TRIM14: variants seen among roughly 807,000 people sequenced by gnomAD.
TRIM14 encodes tripartite motif containing 14, also known as tripartite motif-containing protein 14.
A neutral mutation model predicts 44.5 loss-of-function variants in TRIM14; 28 were observed. That is an observed-to-expected ratio of 0.63 (90% CI 0.47 to 0.86). The LOEUF is 0.86. Ranked by LOEUF, TRIM14 falls within the 40% of genes least tolerant of loss-of-function variation. The pLI is 0.00. For missense variants in TRIM14, 607 were observed against 611.1 expected (o/e 0.99, Z 0.07); for synonymous variants, 299 against 269.2 (o/e 1.11, Z -1.08).
At chr9:98,082,906 A>G, downstream of TRIM14, 2 of 1,614,216 alleles carry the variant, frequency 1.2e-6, no homozygotes, top group South Asian at 2.2e-5. Flanking sequence ...AACAATGGAC[A>G]TGCTCACCGT....
chr9:98,066,427 T>A (rs1396425475), downstream of TRIM14, among the ~76,000 whole-genome samples: 1 of 152,238 alleles, frequency 6.6e-6, no homozygotes, highest in Non-Finnish European at 1.5e-5. Context: ...GCTCACCTAA[T>A]GGAAGGTGTG....
At chr9:98,063,525 A>G in the TRIM14 span, among the ~76,000 whole-genome samples, 2 of 152,068 alleles carry the variant, frequency 1.3e-5, no homozygotes, top group African/African-American at 4.8e-5. Flanking sequence ...TACAGGTGTG[A>G]GCCACTGTGC....
downstream of TRIM14, among the ~76,000 whole-genome samples, chr9:98,068,684 G>T (rs952412903): frequency 6.6e-6 from 1 of 151,490 alleles, no homozygotes; most frequent in South Asian, 2.1e-4. Context: ...ATTGTGGTGT[G>T]TGCCTGTAGC....
chr9:98,036,288 G>A, the TRIM14 span, among the ~76,000 whole-genome samples: 1 of 151,106 alleles, frequency 6.6e-6, no homozygotes, highest in Non-Finnish European at 1.5e-5. Flanking sequence ...ATCACCTGAG[G>A]TCAAGATTTT....
intron 1 of TRIM14, among the ~76,000 whole-genome samples, chr9:98,112,671 C>T (rs1013479719): frequency 4.0e-5 from 6 of 151,004 alleles, no homozygotes; most frequent in South Asian, 2.1e-4. Context: ...TGGTGGTGCA[C>T]GCCTGTAATC....
chr9:98,109,825 G>T (rs1488755760), intron 2 of TRIM14, 64 bp downstream of exon 2: 4 of 1,331,834 alleles, frequency 3.0e-6, no homozygotes, highest in Admixed American at 1.9e-5. Flanking sequence ...CATATTGGGG[G>T]TCCCTTTTGT....
chr9:98,043,879 T>C, the TRIM14 span, among the ~76,000 whole-genome samples: 1 of 152,154 alleles, frequency 6.6e-6, no homozygotes, highest in Non-Finnish European at 1.5e-5. Context: ...GTGGTCATCT[T>C]GTGCACAAAG....
downstream of TRIM14, chr9:98,082,739 C>G: frequency 9.5e-7 from 1 of 1,053,394 alleles, no homozygotes; most frequent in Non-Finnish European, 1.4e-6. Context: ...TGCCTGCTCC[C>G]AAGGTACTGC....
intron 2 of TRIM14, among the ~76,000 whole-genome samples, chr9:98,107,036 G>A (rs1327477104): frequency 6.6e-6 from 1 of 151,994 alleles, no homozygotes; most frequent in African/African-American, 2.4e-5. Flanking sequence ...CACATGAATA[G>A]ATACTCAACA....
the TRIM14 span, among the ~76,000 whole-genome samples, chr9:98,057,888 GGTTTTCTCTTACT>G: frequency 1.4e-5 from 2 of 144,358 alleles, no homozygotes; most frequent in East Asian, 4.0e-4. Flanking sequence ...CCAGGCTGGA[GGTTTTCTCTTACT>G]GTTTTTTTTT....
downstream of TRIM14, among the ~76,000 whole-genome samples, chr9:98,080,439 C>T (rs1210578090): frequency 6.6e-6 from 1 of 152,220 alleles, no homozygotes; most frequent in Non-Finnish European, 1.5e-5. Flanking sequence ...GCATATAGCA[C>T]ACTTGCTTTC....
the TRIM14 span, among the ~76,000 whole-genome samples, chr9:98,059,816 G>A: frequency 3.3e-5 from 5 of 151,250 alleles, no homozygotes; most frequent in South Asian, 6.3e-4. Flanking sequence ...GGGCATTTTT[G>A]TTTTGTTTGT....
the TRIM14 span, among the ~76,000 whole-genome samples, chr9:98,051,967 G>T: frequency 6.6e-6 from 1 of 152,088 alleles, no homozygotes; most frequent in Non-Finnish European, 1.5e-5. Context: ...ATCCAAGCGT[G>T]CAAAGAGCCA....
rs773476916 is a variant in TRIM14, at chr9:98,100,019, G to C, written c.449C>G (p.Ser150Cys). Residue 150 changes from serine to cysteine, a missense_variant, in exon 3 of 6, where the codon TCT becomes TGT. Around this residue, in one of 3 missense-constraint regions of TRIM14, gnomAD observed 246 missense variants for 270.8 expected, o/e 0.91. Transcript: ENST00000341469. ...CATGATGTCAAGTTGCTCTCTGCAA[G>C]AGTCAGCTTGTTCCCTGTACACCTG... ...TLQVYREQADSCREQLDIMND... is the reference protein window; with the variant it reads ...TLQVYREQADCCREQLDIMND... 1.2e-6 allele frequency: 2 copies of C among 1,614,096 alleles called. No individual in the cohort carries two copies.
At chr9:98,038,599 C>T in the TRIM14 span, among the ~76,000 whole-genome samples, 1 of 152,168 alleles carries the variant, frequency 6.6e-6, no homozygotes, top group African/African-American at 2.4e-5. Flanking sequence ...AATGTGATTT[C>T]TCTTTTTTCC....
At chr9:98,104,532 A>G (rs1322766155) in intron 2 of TRIM14, among the ~76,000 whole-genome samples, 1 of 152,174 alleles carries the variant, frequency 6.6e-6, no homozygotes, top group Non-Finnish European at 1.5e-5. Flanking sequence ...GTAGAGAGAG[A>G]GAGGGAAGGG....
chr9:98,056,728 G>T, the TRIM14 span: 105 of 1,529,178 alleles, frequency 6.9e-5, no homozygotes, highest in Middle Eastern at 2.3e-3. Flanking sequence ...TCGCAGCGTT[G>T]CTCACAGAAC....
intron 6 of TRIM14, among the ~76,000 whole-genome samples, chr9:98,079,177 G>A (rs185089340): frequency 1.3e-5 from 2 of 152,278 alleles, no homozygotes; most frequent in Admixed American, 1.3e-4. Flanking sequence ...CAGCTTGGTG[G>A]CAAAGCTGGA....
rs1826151340 is a variant in TRIM14, at chr9:98,095,424, C to A, written c.538-395G>T. Among the ~76,000 whole-genome samples the A allele has an allele frequency of 1.3e-5, 2 of 152,162 alleles. No homozygotes were observed. The highest frequency in any genetic ancestry group is 4.8e-5 in the African/African-American group (2 of 41,430). On this transcript the variant is annotated intron_variant, in intron 3 of 5. Coordinates refer to ENST00000341469, the MANE Select transcript of TRIM14 (RefSeq NM_014788.4). This position sits in a 1 kb window ranked among gnomAD's most constrained non-coding sequence, Gnocchi z 4.1. ...CTGCGCCACGGGTCTGCCTTGGGTA[C>A]AAAAAGGGTGAGAGGTCAGTCTCCC...
Sources: gnomAD v4.1 joint callset for allele counts (sites outside exome capture counted in the v4.1 genomes callset) on GRCh38, gnomAD v4.1.1 for gene constraint, gnomAD v4.1.1 regional missense constraint, Gnocchi (gnomAD v3.1) non-coding constraint, MANE v1.5 for transcripts, NCBI Gene and HGNC (gene_info 2026-07-23, HGNC 2026-07-21) for gene names.